CACNA2D1: variants seen among roughly 807,000 people sequenced by gnomAD.
CACNA2D1 encodes the protein voltage-dependent calcium channel subunit alpha-2/delta-1.
Under a neutral mutation model 171.5 loss-of-function variants are expected in CACNA2D1, and 53 were observed. That is an observed-to-expected ratio of 0.31 (90% CI 0.25 to 0.39). The LOEUF (loss-of-function observed/expected upper bound fraction) is 0.39. CACNA2D1 is among the 10% of genes least tolerant of loss of function. The pLI is 1.00. For synonymous variants in CACNA2D1, 442 were observed against 443.1 expected (o/e 1.00, Z 0.03); for missense variants, 903 against 1,299.8 (o/e 0.69, Z 4.69).
At chr7:82,296,377 A>G (rs1812291114) in intron 3 of CACNA2D1, among the ~76,000 whole-genome samples, 1 of 152,140 alleles carries the variant, frequency 6.6e-6, no homozygotes, top group Admixed American at 6.5e-5. Flanking sequence ...AGTTAGCTCA[A>G]TGTGTCTGCT....
At chr7:82,038,744 A>G (rs987302849) in intron 10 of CACNA2D1, among the ~76,000 whole-genome samples, 1 of 152,340 alleles carries the variant, frequency 6.6e-6, no homozygotes, top group East Asian at 1.9e-4. Context: ...AACAGAGGAA[A>G]GCAATCTGAA....
chr7:82,234,765 G>T (rs775420270), intron 3 of CACNA2D1, among the ~76,000 whole-genome samples: 2 of 152,156 alleles, frequency 1.3e-5, no homozygotes, highest in Non-Finnish European at 2.9e-5. Flanking sequence ...ATACAAACCT[G>T]ATTTTTGAAA....
At chr7:82,149,614 G>A (rs573558405) in intron 4 of CACNA2D1, among the ~76,000 whole-genome samples, 1 of 152,162 alleles carries the variant, frequency 6.6e-6, no homozygotes, top group East Asian at 1.9e-4. Flanking sequence ...GCCAAGATGT[G>A]CAGATGCTTA....
chr7:82,234,719 C>T (rs1803343710), intron 3 of CACNA2D1, among the ~76,000 whole-genome samples: 1 of 152,098 alleles, frequency 6.6e-6, no homozygotes, highest in African/African-American at 2.4e-5. Context: ...AATCCATTCT[C>T]AAAAATTAAG....
chr7:82,401,714 GA>G (rs145321366), intron 1 of CACNA2D1, among the ~76,000 whole-genome samples: 26,831 of 149,976 alleles, frequency 0.18, 3,004 homozygotes, highest in East Asian at 0.46. Context: ...AATAATAAAA[GA>G]AAAAAAAAGA....
At chr7:82,354,071 C>G (rs1399858293) in intron 1 of CACNA2D1, among the ~76,000 whole-genome samples, 1 of 152,024 alleles carries the variant, frequency 6.6e-6, no homozygotes, top group African/African-American at 2.4e-5. Flanking sequence ...CTGCCCTATA[C>G]CAAAGGGAAG....
At chr7:82,381,183 G>A (rs1026508021) in intron 1 of CACNA2D1, among the ~76,000 whole-genome samples, 5 of 151,732 alleles carry the variant, frequency 3.3e-5, no homozygotes, top group African/African-American at 7.3e-5. Flanking sequence ...CCGTGGTGGC[G>A]GGCCCCTGTA....
chr7:82,015,692 T>C (rs1189549761), intron 12 of CACNA2D1, among the ~76,000 whole-genome samples: 2 of 152,208 alleles, frequency 1.3e-5, no homozygotes, highest in East Asian at 1.9e-4. Flanking sequence ...GTTTGAACTA[T>C]GTTAAGAGCT....
At chr7:82,130,180 T>TGTA (rs1158027146) in intron 5 of CACNA2D1, among the ~76,000 whole-genome samples, 1 of 152,218 alleles carries the variant, frequency 6.6e-6, no homozygotes, top group East Asian at 1.9e-4. Context: ...TACTCGATAT[T>TGTA]GTAAGAGTTA....
chr7:82,435,852 C>T (rs922304535), intron 1 of CACNA2D1, among the ~76,000 whole-genome samples: 4 of 152,154 alleles, frequency 2.6e-5, no homozygotes, highest in Non-Finnish European at 4.4e-5. Flanking sequence ...ATGAGCACTG[C>T]TCATCCCCTC....
At chr7:82,138,334 T>C (rs1791922790) in intron 4 of CACNA2D1, among the ~76,000 whole-genome samples, 1 of 152,142 alleles carries the variant, frequency 6.6e-6, no homozygotes, top group African/African-American at 2.4e-5. Flanking sequence ...ACTAAAGTTT[T>C]ACATTATTTG....
At chr7:82,049,755 G>A (rs1804984057) in intron 10 of CACNA2D1, among the ~76,000 whole-genome samples, 2 of 152,152 alleles carry the variant, frequency 1.3e-5, no homozygotes, top group South Asian at 2.1e-4. Flanking sequence ...GCCCCACTTC[G>A]ATGGCAAGAG....
intron 3 of CACNA2D1, among the ~76,000 whole-genome samples, chr7:82,201,364 C>T (rs553985210): frequency 6.6e-6 from 1 of 152,310 alleles, no homozygotes; most frequent in Admixed American, 6.5e-5. Flanking sequence ...CATCTAGTCA[C>T]ATTTTTTTAA....
chr7:82,312,048 C>A (rs1488992229), intron 3 of CACNA2D1, among the ~76,000 whole-genome samples: 2 of 152,070 alleles, frequency 1.3e-5, no homozygotes, highest in African/African-American at 4.8e-5. Flanking sequence ...AAGTGATTTT[C>A]AAAAGTCTAA....
intron 26 of CACNA2D1, chr7:81,971,024 T>C (rs1169823590): frequency 2.0e-5 from 7 of 356,778 alleles, no homozygotes; most frequent in Admixed American, 1.3e-4. Flanking sequence ...GAGGAATGTA[T>C]ACATAAGGGA....
chr7:82,174,339 A>G lies in CACNA2D1; in HGVS notation c.295-3730T>C, dbSNP rs1327389791. On this transcript the variant is annotated intron_variant, in intron 3 of 38. Coordinates refer to ENST00000356860, the MANE Select transcript of CACNA2D1 (RefSeq NM_000722.4). ...TTCTGCTAATATTACGATATTCAGC[A>G]AGGTTTATTAAATGGCTTTATTGTA... Among the ~76,000 whole-genome samples, 4 of 152,098 alleles carry G rather than the reference A, an allele frequency of 2.6e-5. No homozygotes were observed. In the East Asian group the frequency reaches 7.7e-4, roughly 29 times the overall value.
intron 3 of CACNA2D1, among the ~76,000 whole-genome samples, chr7:82,225,628 T>TTA (rs1802279131): frequency 6.6e-6 from 1 of 152,164 alleles, no homozygotes; most frequent in African/African-American, 2.4e-5. Context: ...ACATATAAGT[T>TTA]TATATGGAAG....
intron 30 of CACNA2D1, among the ~76,000 whole-genome samples, 167 bp from the exon 31 acceptor site, chr7:81,967,374 A>G (rs1794820119): frequency 1.3e-5 from 2 of 151,560 alleles, no homozygotes; most frequent in South Asian, 2.1e-4. Context: ...GACAATGTCA[A>G]TCAATATATA....
intron 10 of CACNA2D1, among the ~76,000 whole-genome samples, chr7:82,038,801 T>C (rs1803616931): frequency 6.6e-6 from 1 of 152,152 alleles, no homozygotes; most frequent in Non-Finnish European, 1.5e-5. Flanking sequence ...TAGAGGTTAC[T>C]AAAGAGTGCC....
Sources: allele counts gnomAD v4.1 joint callset (sites outside exome capture counted in the v4.1 genomes callset), GRCh38; gene constraint gnomAD v4.1.1; transcripts MANE v1.5; gene names NCBI Gene and HGNC (gene_info 2026-07-23, HGNC 2026-07-21).